Variants in TTC28 observed in about 807,000 individuals in gnomAD.
TTC28 encodes the protein tetratricopeptide repeat protein 28.
Under a neutral mutation model 198.0 loss-of-function variants are expected in TTC28, and 61 were observed. The observed-to-expected ratio is 0.31, with a 90% CI of 0.25 to 0.38. TTC28 has a LOEUF of 0.38. Among genes scored for constraint, TTC28 ranks in the 10% least tolerant of loss-of-function variants. The pLI is 1.00. For synonymous variants in TTC28, 1,171 were observed against 1,297.8 expected (o/e 0.90, Z 2.10); for missense variants, 2,678 against 3,164.0 (o/e 0.85, Z 3.69).
intron 2 of TTC28, among the ~76,000 whole-genome samples, chr22:28,366,723 G>T (rs896217251): frequency 3.3e-5 from 5 of 151,932 alleles, no homozygotes; most frequent in African/African-American, 1.2e-4. Context: ...GATACACATA[G>T]ACTGAAAATA....
chr22:28,205,923 A>C (rs896913005), intron 5 of TTC28, among the ~76,000 whole-genome samples: 6 of 151,978 alleles, frequency 3.9e-5, no homozygotes, highest in Admixed American at 3.3e-4. Flanking sequence ...CTAAGGTTTA[A>C]GTATCTGATG....
intron 2 of TTC28, among the ~76,000 whole-genome samples, chr22:28,559,035 C>CA (rs566036315): frequency 2.3e-3 from 316 of 134,608 alleles, no homozygotes; most frequent in South Asian, 5.4e-3. Flanking sequence ...GACTCCATCT[C>CA]AAAAAAAAAA....
chr22:28,218,703 C>T (rs1375810470), intron 5 of TTC28, among the ~76,000 whole-genome samples: 2 of 152,066 alleles, frequency 1.3e-5, no homozygotes. Context: ...TTAATCACTG[C>T]AAATACTAAA....
In TTC28 at chr22:28,456,176, A is replaced by T. The variant is rs528019998; in HGVS notation, c.382-149533T>A. On this transcript the variant is annotated intron_variant, in intron 2 of 22. Coordinates refer to ENST00000397906, the MANE Select transcript of TTC28 (RefSeq NM_001145418.2). ...TCTGTCTCAGAAAAAAAAAAAAAAA[A>T]TGCTGGTATTTCTAGATTTGGATTC... Among the ~76,000 whole-genome samples the T allele has an allele frequency of 2.0e-5, 3 of 151,938 alleles. No individual in the cohort carries two copies. In the South Asian group the frequency reaches 6.3e-4, roughly 32 times the overall value.
intron 2 of TTC28, among the ~76,000 whole-genome samples, chr22:28,560,019 T>C (rs894381169): frequency 1.2e-4 from 18 of 152,208 alleles, no homozygotes; most frequent in African/African-American, 4.3e-4. Context: ...AAAACAGAAC[T>C]CTTGGCTTTG....
intron 12 of TTC28, among the ~76,000 whole-genome samples, chr22:28,066,947 T>C (rs949696026): frequency 6.6e-6 from 1 of 152,162 alleles, no homozygotes; most frequent in Non-Finnish European, 1.5e-5. Context: ...AAAAACCCAC[T>C]GCACTTCCCG....
At chr22:28,647,618 T>C (rs930993145) in intron 1 of TTC28, among the ~76,000 whole-genome samples, 3 of 151,904 alleles carry the variant, frequency 2.0e-5, no homozygotes, top group African/African-American at 7.3e-5. Context: ...GGTGGGCAGA[T>C]CATGAGGTCA....
At chr22:28,363,781 G>C (rs533710418) in intron 2 of TTC28, among the ~76,000 whole-genome samples, 2 of 152,298 alleles carry the variant, frequency 1.3e-5, no homozygotes, top group African/African-American at 4.8e-5. Context: ...TTTAATATTT[G>C]ACTGTCTCTC....
At chr22:28,624,195 G>A (rs903584779) in intron 2 of TTC28, among the ~76,000 whole-genome samples, 8 of 151,998 alleles carry the variant, frequency 5.3e-5, no homozygotes, top group African/African-American at 7.2e-5. Flanking sequence ...TGGCTAACAC[G>A]GTGAAACCCT....
At chr22:28,462,139 A>C (rs1167048663) in intron 2 of TTC28, among the ~76,000 whole-genome samples, 1 of 152,206 alleles carries the variant, frequency 6.6e-6, no homozygotes, top group East Asian at 1.9e-4. Flanking sequence ...GTGATAGCTC[A>C]TATTATTTGT....
chr22:28,142,509 C>G (rs1943365862), intron 6 of TTC28, among the ~76,000 whole-genome samples: 1 of 152,192 alleles, frequency 6.6e-6, no homozygotes, highest in Non-Finnish European at 1.5e-5. Context: ...TTGTAAACCA[C>G]AGACACAAAT....
intron 5 of TTC28, among the ~76,000 whole-genome samples, chr22:28,165,651 C>T (rs1388949742): frequency 6.6e-6 from 1 of 152,132 alleles, no homozygotes; most frequent in Non-Finnish European, 1.5e-5. Context: ...CACCACCAGG[C>T]CTGCCCTAAA....
At chr22:28,301,745 T>C (rs919472646) in intron 3 of TTC28, among the ~76,000 whole-genome samples, 30 of 152,306 alleles carry the variant, frequency 2.0e-4, no homozygotes, top group African/African-American at 6.3e-4. Flanking sequence ...TTTTCTTTCT[T>C]TGTAATACAT....
At chr22:28,101,116 A>C (rs1299621809) in intron 9 of TTC28, 55 bp downstream of exon 9, 7 of 1,339,094 alleles carry the variant, frequency 5.2e-6, no homozygotes. Context: ...GTAATCCTAA[A>C]GTCTCCCATG....
intron 2 of TTC28, among the ~76,000 whole-genome samples, chr22:28,528,649 C>G (rs1035988443): frequency 3.0e-4 from 44 of 148,600 alleles, no homozygotes; most frequent in African/African-American, 9.9e-4. Flanking sequence ...GGCACGAGAA[C>G]TGCTTGAACC....
intron 6 of TTC28, among the ~76,000 whole-genome samples, chr22:28,123,621 G>A (rs771219050): frequency 5.0e-4 from 76 of 152,214 alleles, no homozygotes; most frequent in Admixed American, 1.6e-3. Flanking sequence ...GGGTCCTTAC[G>A]ATCTTCCTTC....
intron 5 of TTC28, among the ~76,000 whole-genome samples, chr22:28,200,867 T>C (rs1169704351): frequency 1.3e-5 from 2 of 152,206 alleles, no homozygotes; most frequent in African/African-American, 4.8e-5. Flanking sequence ...CTTGGATTTA[T>C]AAGCAGAAAG....
rs68164494 is a variant in TTC28 at position 28,417,300 on chromosome 22, T to TAAA, written c.382-110660_382-110658dup. On this transcript the variant is annotated intron_variant, in intron 2 of 22. Transcript: ENST00000397906. ...AAACATAGCAAGACCCTGTCTCTAC[T>TAAA]AAAAAAAAAAAAAAAAAAAAAAAAA... Among the ~76,000 whole-genome samples, 34 of 44,670 alleles carry TAAA rather than the reference T, an allele frequency of 7.6e-4. 1 individual carries two copies. The highest frequency in any genetic ancestry group is 2.9e-3 in the African/African-American group (31 of 10,706). The allele number at this position is 44,670 out of a possible 152,430, so 29.3% of individuals were successfully genotyped here.
chr22:27,993,399 C>T lies in TTC28; in HGVS notation c.5364G>A (p.Val1788=), dbSNP rs1356409499. Residue 1788 remains valine, a synonymous_variant, in exon 18 of 23, where the codon GTG becomes GTA. Coordinates refer to ENST00000397906, the MANE Select transcript of TTC28 (RefSeq NM_001145418.2). Reference sequence around the variant, plus strand: ...TGGTTGGGGGGTCCAGCCGGAAGCCCACAGCGGTGAGGAGGGCCTGCCAGC... The same window carrying T: ...TGGTTGGGGGGTCCAGCCGGAAGCCTACAGCGGTGAGGAGGGCCTGCCAGC... ...IPGWQALLTA[V]GFRLDPPTSG... is the part of the protein sequence containing the mutation. 1.9e-6 allele frequency: 3 copies of T among 1,551,358 alleles called. No homozygotes were observed. The highest frequency in any genetic ancestry group is 8.7e-7 in the Non-Finnish European group (1 of 1,146,992).
Sources: allele counts gnomAD v4.1 joint callset (sites outside exome capture counted in the v4.1 genomes callset), GRCh38; gene constraint gnomAD v4.1.1; transcripts MANE v1.5; gene names NCBI Gene and HGNC (gene_info 2026-07-23, HGNC 2026-07-21).